SLC29A4: variants seen among roughly 807,000 people sequenced by gnomAD.
SLC29A4 encodes the protein solute carrier family 29 member 4, also known as equilibrative nucleoside transporter 4.
In SLC29A4, 36 loss-of-function variants were observed where a neutral mutation model predicts 43.9. The ratio of observed to expected loss-of-function variants is 0.82; its 90% confidence interval spans 0.63 to 1.08. SLC29A4 has a LOEUF of 1.08. SLC29A4 is among the 50% of genes least tolerant of loss of function. The pLI, the probability that SLC29A4 is intolerant of heterozygous loss-of-function variation, is 0.00. For synonymous variants in SLC29A4, 491 were observed against 338.0 expected (o/e 1.45, Z -4.97); for missense variants, 869 against 755.3 (o/e 1.15, Z -1.77).
At chr7:5,295,631 C>T (rs1368208304) in intron 6 of SLC29A4, among the ~76,000 whole-genome samples, 2 of 152,220 alleles carry the variant, frequency 1.3e-5, no homozygotes, top group Non-Finnish European at 2.9e-5. Flanking sequence ...CTGGACTGGC[C>T]CGGGGTCAGT....
In SLC29A4 at chr7:5,299,136, G is replaced by C. The variant is rs773126541; in HGVS notation, c.1021+10G>C. 2 of 1,606,960 alleles carry C rather than the reference G, an allele frequency of 1.2e-6. No homozygotes were observed. Among genetic ancestry groups the C allele is most frequent in the East Asian group, 2.2e-5 (1 of 44,702 alleles). ...TGGCCCACCTTCAGAGGTGAGTGCG[G>C]GGAGTCCTCTGCTGCCCTGGCTCTG... On this transcript the variant is annotated intron_variant, in intron 8 of 10. Coordinates refer to ENST00000396872, the MANE Select transcript of SLC29A4 (RefSeq NM_153247.4).
rs761452554 is a variant in SLC29A4, at chr7:5,296,975, C to G, written c.659C>G (p.Thr220Arg). ...GVMISLSRIL[T>R]KLLLPDERAS... ...ATGATCTCTCTGAGCCGCATCCTCA[C>G]GAAGCTGCTGCTGCCCGACGAGCGC... The change falls in exon 7 of 11, where the codon ACG (threonine) becomes AGG (arginine). Residue 220 changes from threonine (T) to arginine (R), a missense_variant. By Grantham distance (71) the Thr-to-Arg change is moderately conservative. Transcript: ENST00000396872. The G allele has an allele frequency of 3.7e-6, 6 of 1,601,030 alleles. No homozygotes were observed. The highest frequency in any genetic ancestry group is 1.3e-5 in the African/African-American group (1 of 74,844).
intron 7 of SLC29A4, 88 bp downstream of exon 7, chr7:5,297,286 C>T (rs1471400251): frequency 3.6e-6 from 5 of 1,397,288 alleles, no homozygotes; most frequent in Non-Finnish European, 4.7e-6. Context: ...GGCCCAGCCT[C>T]TCACCTGCAT....
intron 5 of SLC29A4, among the ~76,000 whole-genome samples, chr7:5,292,513 C>T (rs545014635): frequency 6.6e-6 from 1 of 152,104 alleles, no homozygotes; most frequent in African/African-American, 2.4e-5. Flanking sequence ...CGAGCACTCT[C>T]TCCCCCTCTC....
At chr7:5,283,200 C>G (rs1784754484) in intron 1 of SLC29A4, 118 bp downstream of exon 1, 1 of 150,144 alleles carries the variant, frequency 6.7e-6, no homozygotes, top group African/African-American at 2.4e-5. Flanking sequence ...CCCCCTCTCC[C>G]CAGCCCGCCC....
At chr7:5,287,189 G>A (rs541432778) in intron 1 of SLC29A4, among the ~76,000 whole-genome samples, 2 of 152,310 alleles carry the variant, frequency 1.3e-5, no homozygotes, top group South Asian at 2.1e-4. Flanking sequence ...ACTTTGGGAG[G>A]CCGAGGCAGG....
chr7:5,285,555 C>G (rs934998200), intron 1 of SLC29A4, among the ~76,000 whole-genome samples: 3 of 152,192 alleles, frequency 2.0e-5, no homozygotes, highest in Admixed American at 2.0e-4. Context: ...CTGTAGTGAG[C>G]TAGAAGAGGG....
Position 5,306,551 on chromosome 7 carries a change from C to G in SLC29A4, c.*3612C>G, listed in dbSNP as rs1392153178. On this transcript the variant is annotated 3_prime_UTR_variant, in exon 11 of 11. Coordinates refer to ENST00000396872, the MANE Select transcript of SLC29A4 (RefSeq NM_153247.4). Reference sequence around the variant, plus strand: ...GTTTCACCATATTGGCCAGGCTGGTCTCGAACTCCTGACTTCAAGTGATCC... The same window carrying G: ...GTTTCACCATATTGGCCAGGCTGGTGTCGAACTCCTGACTTCAAGTGATCC... The G allele has an allele frequency of 6.6e-6, 1 of 152,040 alleles. No homozygotes were observed. The highest frequency in any genetic ancestry group is 1.5e-5 in the Non-Finnish European group (1 of 68,032). The allele number at this position is 152,040 out of a possible 1,614,324, so 9.4% of individuals were successfully genotyped here.
Position 5,306,713 on chromosome 7 carries a change from T to G in SLC29A4, c.*3774T>G, listed in dbSNP as rs1472034408. The G allele has an allele frequency of 6.6e-6, 1 of 152,078 alleles. No individual in the cohort carries two copies. Among genetic ancestry groups the G allele is most frequent in the African/African-American group, 2.4e-5 (1 of 41,420 alleles). 9.4% of individuals were successfully genotyped at this position (152,078 alleles called of 1,614,324 possible). On this transcript the variant is annotated 3_prime_UTR_variant, in exon 11 of 11. Transcript: ENST00000396872. ...CAACTTCTTCCAGTCGAATCCTGCT[T>G]CTTGGTGCCCTGATATGGCAGAATG...
chr7:5,288,670 C>T (rs1785115207), intron 2 of SLC29A4, among the ~76,000 whole-genome samples: 3 of 152,166 alleles, frequency 2.0e-5, no homozygotes, highest in Non-Finnish European at 2.9e-5. Context: ...CTATGCCTCA[C>T]TGCAAAGGAG....
At chr7:5,285,491 G>A (rs1388839895) in intron 1 of SLC29A4, among the ~76,000 whole-genome samples, 1 of 152,238 alleles carries the variant, frequency 6.6e-6, no homozygotes, top group Non-Finnish European at 1.5e-5. Context: ...GGAAGGCTCT[G>A]GCTTCAAAGC....
chr7:5,286,999 C>G (rs531282641), intron 1 of SLC29A4, among the ~76,000 whole-genome samples: 206 of 152,354 alleles, frequency 1.4e-3, no homozygotes, highest in African/African-American at 4.7e-3. Context: ...CCATCTATTT[C>G]TCACCGTGCC....
At chr7:5,302,702 G>A in intron 10 of SLC29A4, 95 bp from the exon 11 acceptor site, 15 of 1,309,670 alleles carry the variant, frequency 1.1e-5, no homozygotes, top group Non-Finnish European at 1.6e-5. Context: ...GGGCGGCACG[G>A]TTCAGGCGGG....
intron 5 of SLC29A4, among the ~76,000 whole-genome samples, chr7:5,292,543 T>C (rs1362705749): frequency 2.6e-5 from 4 of 152,126 alleles, no homozygotes; most frequent in Non-Finnish European, 5.9e-5. Context: ...CGTCTCTCTG[T>C]ACTTAAATTT....
At position 5,304,332 on chromosome 7, in the gene SLC29A4, G is replaced by A. The variant is rs540797917; in HGVS notation, c.*1393G>A. 2.7e-5 allele frequency: 4 copies of A among 150,828 alleles called. No homozygotes were observed. The highest frequency in any genetic ancestry group is 9.8e-5 in the African/African-American group (4 of 40,982). The allele number at this position is 150,828 out of a possible 1,614,324, so 9.3% of individuals were successfully genotyped here. On this transcript the variant is annotated 3_prime_UTR_variant, in exon 11 of 11. Transcript: ENST00000396872. ...CCCACCCCTTCGTGAGGATCAGGGA[G>A]GATGGCCACATGCAGCCCATTTGAA...
rs535332782 is a variant in SLC29A4 at position 5,286,765 on chromosome 7, A to T, written c.-8-1044A>T. On this transcript the variant is annotated intron_variant, in intron 1 of 10. Coordinates refer to ENST00000396872, the MANE Select transcript of SLC29A4 (RefSeq NM_153247.4). ...CCAGGACCAAGGGCCATCGTGGCTC[A>T]AAGTGCCACACAGACCTGGGTTGAG... is the stretch of plus-strand genomic sequence containing the variant. Among the ~76,000 whole-genome samples the T allele has an allele frequency of 2.6e-5, 4 of 152,314 alleles. No individual in the cohort carries two copies. The South Asian group carries it at 6.2e-4, about 24-fold the overall frequency.
intron 6 of SLC29A4, among the ~76,000 whole-genome samples, chr7:5,295,387 G>A (rs112298350): frequency 0.018 from 2,700 of 152,254 alleles, 52 homozygotes; most frequent in Non-Finnish European, 0.021. Context: ...GGTGTCTCAC[G>A]GGCTTCTCAA....
intron 5 of SLC29A4, among the ~76,000 whole-genome samples, chr7:5,293,151 CTT>C (rs892132837): frequency 7.0e-6 from 1 of 142,790 alleles, no homozygotes; most frequent in Non-Finnish European, 1.5e-5. Context: ...TGTAGACTTT[CTT>C]TTTTTTCTCT....
intron 1 of SLC29A4, among the ~76,000 whole-genome samples, chr7:5,284,174 A>G (rs1303865856): frequency 6.6e-6 from 1 of 152,196 alleles, no homozygotes; most frequent in Non-Finnish European, 1.5e-5. Flanking sequence ...ACCTGAGGCC[A>G]GGAGTTCAAG....
Sources: allele counts gnomAD v4.1 joint callset (sites outside exome capture counted in the v4.1 genomes callset), GRCh38; gene constraint gnomAD v4.1.1; transcripts MANE v1.5; gene names NCBI Gene and HGNC (gene_info 2026-07-23, HGNC 2026-07-21).